SRL: variants seen among roughly 807,000 people sequenced by gnomAD.
SRL encodes sarcalumenin.
A neutral mutation model predicts 39.5 loss-of-function variants in SRL; 23 were observed. The ratio of observed to expected loss-of-function variants is 0.58; its 90% confidence interval spans 0.42 to 0.82. The LOEUF (loss-of-function observed/expected upper bound fraction) is 0.82. Among genes scored for constraint, SRL ranks in the 40% least tolerant of loss-of-function variants. The pLI is 0.00. For synonymous variants in SRL, 272 were observed against 237.4 expected (o/e 1.15, Z -1.34); for missense variants, 592 against 607.8 (o/e 0.97, Z 0.27).
chr16:4,193,856 C>A (rs1366985255), intron 5 of SRL, among the ~76,000 whole-genome samples: 1 of 150,382 alleles, frequency 6.6e-6, no homozygotes, highest in African/African-American at 2.4e-5. Context: ...AGTAGGGGTA[C>A]AATTTACTAT....
intron 1 of SRL, among the ~76,000 whole-genome samples, chr16:4,240,767 C>T (rs1051317206): frequency 1.3e-5 from 2 of 152,140 alleles, no homozygotes; most frequent in African/African-American, 4.8e-5. Flanking sequence ...GGAGCGGCCA[C>T]GAAGGGAGAG....
chr16:4,213,099 T>G (rs960204638), intron 1 of SRL, among the ~76,000 whole-genome samples: 9 of 152,152 alleles, frequency 5.9e-5, no homozygotes, highest in African/African-American at 2.2e-4. Context: ...GGAGTTCTTT[T>G]TGCCCCCATG....
chr16:4,233,900 C>A (rs1434286753), intron 1 of SRL, among the ~76,000 whole-genome samples: 1 of 152,058 alleles, frequency 6.6e-6, no homozygotes, highest in African/African-American at 2.4e-5. Context: ...TAAAGGGGGA[C>A]TCCCTTTAGG....
At chr16:4,210,208 T>A (rs959372247) in intron 1 of SRL, among the ~76,000 whole-genome samples, 1 of 152,174 alleles carries the variant, frequency 6.6e-6, no homozygotes, top group Admixed American at 6.5e-5. Context: ...CATCACCACC[T>A]ACATACCTGT....
At chr16:4,213,436 A>G (rs762568055) in intron 1 of SRL, among the ~76,000 whole-genome samples, 71 of 48,526 alleles carry the variant, frequency 1.5e-3, no homozygotes, top group Non-Finnish European at 2.0e-3. Context: ...TTTTTGAGAC[A>G]GGTCTTGCTG....
At chr16:4,207,677 G>A (rs1229633025) in intron 1 of SRL, 1 of 425,610 alleles carries the variant, frequency 2.3e-6, no homozygotes. Flanking sequence ...CCTCCGTGGG[G>A]AGCCCAAACC....
At chr16:4,204,392 T>TCGCC in intron 2 of SRL, 141 bp downstream of exon 2, 1 of 92,918 alleles carries the variant, frequency 1.1e-5, no homozygotes, top group East Asian at 1.8e-4. Context: ...CAACGTCCCC[T>TCGCC]CCAGCCTCCA....
intron 1 of SRL, among the ~76,000 whole-genome samples, chr16:4,236,195 T>C (rs1363696976): frequency 6.6e-6 from 1 of 152,218 alleles, no homozygotes; most frequent in Non-Finnish European, 1.5e-5. Flanking sequence ...AAGGTTTCTA[T>C]GTCTAAAGAT....
At position 4,191,010 on chromosome 16, in the gene SRL, A is replaced by G. The variant is rs1289915071; in HGVS notation, c.*1143T>C. 1 of 152,808 alleles carries G rather than the reference A, an allele frequency of 6.5e-6. No individual in the cohort carries two copies. Among genetic ancestry groups the G allele is most frequent in the East Asian group, 1.9e-4 (1 of 5,188 alleles). The allele number at this position is 152,808 out of a possible 1,614,324, so 9.5% of individuals were successfully genotyped here. A position where few individuals can be genotyped will look rare whatever the true frequency, so the allele number is the denominator to read the frequency against. On this transcript the variant is annotated 3_prime_UTR_variant, in exon 6 of 6. Coordinates refer to ENST00000399609, the MANE Select transcript of SRL (RefSeq NM_001098814.2). ...CTCTCTGAAACCCAGCGCCTTTGGGATCTGAGTTTTCCAAGACATGCAATA... is the reference window on the plus strand; with the variant it reads ...CTCTCTGAAACCCAGCGCCTTTGGGGTCTGAGTTTTCCAAGACATGCAATA...
Position 4,192,840 on chromosome 16 carries a change from C to G in SRL, c.735G>C (p.Gly245=), listed in dbSNP as rs781202555. 1.2e-6 allele frequency: 2 copies of G among 1,614,170 alleles called. No homozygotes were observed. Among genetic ancestry groups the G allele is most frequent in the Non-Finnish European group, 1.7e-6 (2 of 1,180,036 alleles). Residue 245 remains glycine (G), a synonymous_variant, in exon 6 of 6, where the codon GGG becomes GGC. Transcript: ENST00000399609. The surrounding 1 kb of genome is among the most constrained non-coding windows in gnomAD (Gnocchi z 4.0). ...ELEMLFRQLK[G]RESQIRIILN... ...GGATGATCCTTATCTGGGATTCACG[C>G]CCCTTCAACTGGCGGAAGAGCATCT...
intron 1 of SRL, among the ~76,000 whole-genome samples, chr16:4,211,262 C>T (rs1040337069): frequency 6.6e-6 from 1 of 152,246 alleles, no homozygotes; most frequent in African/African-American, 2.4e-5. Flanking sequence ...CCAGGCCCTC[C>T]CTACTCGCAG....
intron 1 of SRL, among the ~76,000 whole-genome samples, chr16:4,220,649 C>G (rs905013636): frequency 6.6e-6 from 1 of 152,182 alleles, no homozygotes; most frequent in South Asian, 2.1e-4. Flanking sequence ...GAGAAATCAT[C>G]ATTCAACCCA....
intron 1 of SRL, among the ~76,000 whole-genome samples, chr16:4,221,038 A>G (rs2052524051): frequency 1.3e-5 from 2 of 150,212 alleles, no homozygotes; most frequent in South Asian, 4.2e-4. Context: ...GCCTGGGACC[A>G]TGGGCTATTC....
intron 4 of SRL, among the ~76,000 whole-genome samples, chr16:4,197,194 A>C (rs1161523529): frequency 1.4e-5 from 2 of 145,338 alleles, no homozygotes; most frequent in Non-Finnish European, 3.0e-5. Flanking sequence ...TCAGCCTCCC[A>C]AGTAGCTGGG....
rs553299321 is a variant in SRL at position 4,217,902 on chromosome 16, G to A, written c.62-13268C>T. On this transcript the variant is annotated intron_variant, in intron 1 of 5. Transcript: ENST00000399609. ...CCGGGTCTGGGGGCTCAGTCAGGGG[G>A]CCCGGAGCCATCCATCCTTCTGCCA... 7.2e-5 allele frequency among the ~76,000 whole-genome samples: 11 copies of A among 152,244 alleles called. No individual in the cohort carries two copies. In the East Asian group the frequency reaches 1.9e-3, roughly 27 times the overall value.
intron 1 of SRL, among the ~76,000 whole-genome samples, chr16:4,209,272 C>T (rs531518563): frequency 2.1e-5 from 3 of 140,616 alleles, no homozygotes; most frequent in Admixed American, 7.1e-5. Flanking sequence ...GACTCCATCT[C>T]AAAAAAAAAA....
intron 1 of SRL, 122 bp from the exon 2 acceptor site, chr16:4,204,756 C>T: frequency 2.6e-6 from 2 of 767,436 alleles, no homozygotes; most frequent in South Asian, 1.5e-5. Flanking sequence ...TGCCAAGTTA[C>T]ACTGGACTGA....
At chr16:4,219,637 T>G (rs2052498784) in intron 1 of SRL, among the ~76,000 whole-genome samples, 1 of 151,954 alleles carries the variant, frequency 6.6e-6, no homozygotes, top group African/African-American at 2.4e-5. Flanking sequence ...TTTTTTATAT[T>G]TTTAGTAGAG....
chr16:4,207,866 G>C (rs1319079535), intron 1 of SRL: 1 of 456,594 alleles, frequency 2.2e-6, no homozygotes, highest in Admixed American at 2.4e-5. Context: ...CTGTGGCTGA[G>C]GCATTGGAGA....
Sources: allele counts gnomAD v4.1 joint callset (sites outside exome capture counted in the v4.1 genomes callset), GRCh38; gene constraint gnomAD v4.1.1; non-coding constraint Gnocchi (gnomAD v3.1); transcripts MANE v1.5; gene names NCBI Gene and HGNC (gene_info 2026-07-23, HGNC 2026-07-21).